Variants in NTRK2 observed in about 807,000 individuals in gnomAD.
NTRK2 encodes the protein BDNF/NT-3 growth factors receptor.
Under a neutral mutation model 94.5 loss-of-function variants are expected in NTRK2, and 13 were observed. That is an observed-to-expected ratio of 0.14 (90% CI 0.09 to 0.22). NTRK2 has a LOEUF of 0.22. Among genes scored for constraint, NTRK2 ranks in the 10% least tolerant of loss-of-function variants. The pLI, the probability that NTRK2 is intolerant of heterozygous loss-of-function variation, is 1.00. For missense variants in NTRK2, 639 were observed against 1,071.2 expected (o/e 0.60, Z 5.63); for synonymous variants, 372 against 407.4 (o/e 0.91, Z 1.05).
intron 11 of NTRK2, among the ~76,000 whole-genome samples, chr9:84,747,223 A>G (rs932229356): frequency 6.6e-6 from 1 of 152,196 alleles, no homozygotes; most frequent in Non-Finnish European, 1.5e-5. Context: ...ACACACGTAT[A>G]CACACAAACA....
chr9:84,680,953 CTA>C (rs1286533966), intron 2 of NTRK2, among the ~76,000 whole-genome samples: 1 of 152,154 alleles, frequency 6.6e-6, no homozygotes, highest in Non-Finnish European at 1.5e-5. Context: ...TGTTTTCCCT[CTA>C]TCTCTCTGCA....
At chr9:84,818,539 T>G (rs138841927) in intron 12 of NTRK2, among the ~76,000 whole-genome samples, 44 of 152,336 alleles carry the variant, frequency 2.9e-4, no homozygotes, top group Non-Finnish European at 3.7e-4. Flanking sequence ...AGTAGTGAAA[T>G]TGGCACATAC....
At chr9:84,964,042 T>G (rs1422708549) in intron 17 of NTRK2, among the ~76,000 whole-genome samples, 1 of 152,240 alleles carries the variant, frequency 6.6e-6, no homozygotes, top group Non-Finnish European at 1.5e-5. Context: ...CTAACATCTG[T>G]ATCTATCCTT....
intron 12 of NTRK2, chr9:84,812,916 T>G: frequency 9.7e-7 from 1 of 1,033,186 alleles, no homozygotes; most frequent in Non-Finnish European, 1.2e-6. Flanking sequence ...AACAGCAGGC[T>G]ATTAGAAAAT....
chr9:84,777,787 G>A (rs1042547423), intron 12 of NTRK2, among the ~76,000 whole-genome samples: 2 of 152,056 alleles, frequency 1.3e-5, no homozygotes, highest in African/African-American at 4.8e-5. Flanking sequence ...GCAATTTTTC[G>A]ACAGTAAAGG....
intron 17 of NTRK2, among the ~76,000 whole-genome samples, chr9:84,979,684 T>G (rs1827341881): frequency 6.6e-6 from 1 of 152,228 alleles, no homozygotes; most frequent in Non-Finnish European, 1.5e-5. Flanking sequence ...CAAACAGCAT[T>G]ACATATTACA....
chr9:84,830,464 C>T (rs745417180), intron 12 of NTRK2, among the ~76,000 whole-genome samples: 1 of 151,974 alleles, frequency 6.6e-6, no homozygotes, highest in Non-Finnish European at 1.5e-5. Flanking sequence ...TTTCCTGTCT[C>T]CTTATGCTTT....
intron 17 of NTRK2, among the ~76,000 whole-genome samples, chr9:85,000,569 C>A (rs1189334035): frequency 6.6e-6 from 1 of 152,180 alleles, no homozygotes; most frequent in East Asian, 1.9e-4. Flanking sequence ...ATTTAAAGTA[C>A]CTCCATGTCT....
chr9:84,682,578 T>C (rs1042086939), intron 2 of NTRK2, among the ~76,000 whole-genome samples: 5 of 152,100 alleles, frequency 3.3e-5, no homozygotes, highest in Non-Finnish European at 5.9e-5. Flanking sequence ...TACTCCAATC[T>C]TGTTGCCCAA....
chr9:84,994,936 G>C (rs1156474975), intron 17 of NTRK2, among the ~76,000 whole-genome samples: 4 of 152,202 alleles, frequency 2.6e-5, no homozygotes, highest in African/African-American at 9.6e-5. Context: ...GATCTGCAGA[G>C]TGCCCCATTG....
chr9:84,962,484 TC>T (rs1311010609), intron 17 of NTRK2, among the ~76,000 whole-genome samples: 1 of 148,356 alleles, frequency 6.7e-6, no homozygotes, highest in Admixed American at 6.8e-5. Flanking sequence ...AATCCTTGTG[TC>T]CCCTTTTTTT....
At position 85,020,390 on chromosome 9, in the gene NTRK2, C is replaced by T. The variant is rs1303522025; in HGVS notation, c.2331+26C>T. 5.0e-6 allele frequency: 8 copies of T among 1,613,488 alleles called. No individual in the cohort carries two copies. The Admixed American group carries it at 1.3e-4, about 27-fold the overall frequency. The stretch of plus-strand genomic sequence containing the variant: ...GTGTGCAATGGGTCTGGCCAAGACC[C>T]TCCAGAGGGCTGAGATCCCAGAGGC... On this transcript the variant is annotated intron_variant, in intron 18 of 18. Coordinates refer to ENST00000277120, the MANE Select transcript of NTRK2 (RefSeq NM_006180.6).
chr9:84,837,963 G>A (rs2073969598), intron 12 of NTRK2, among the ~76,000 whole-genome samples: 1 of 152,044 alleles, frequency 6.6e-6, no homozygotes, highest in Non-Finnish European at 1.5e-5. Flanking sequence ...CTGGCTAATG[G>A]CATAAGACAT....
intron 12 of NTRK2, among the ~76,000 whole-genome samples, chr9:84,859,311 G>A (rs142059508): frequency 1.3e-4 from 20 of 152,238 alleles, no homozygotes; most frequent in Middle Eastern, 3.4e-3. Flanking sequence ...TAGTTTTCCC[G>A]TTGGGTAGAG....
intron 2 of NTRK2, among the ~76,000 whole-genome samples, chr9:84,678,401 C>T (rs1051283274): frequency 3.3e-5 from 5 of 152,268 alleles, no homozygotes; most frequent in East Asian, 1.9e-4. Context: ...TGAAAGGTAT[C>T]GGAATTTTGG....
intron 13 of NTRK2, among the ~76,000 whole-genome samples, chr9:84,863,023 G>T (rs1055924459): frequency 1.3e-5 from 2 of 152,126 alleles, no homozygotes; most frequent in Non-Finnish European, 2.9e-5. Flanking sequence ...CCCAGGCAGG[G>T]TATTTACCAT....
intron 14 of NTRK2, among the ~76,000 whole-genome samples, chr9:84,920,282 G>T (rs996941293): frequency 6.6e-6 from 1 of 152,194 alleles, no homozygotes; most frequent in Non-Finnish European, 1.5e-5. Context: ...TCAGAGAAGA[G>T]ACCTGAGTTC....
intron 12 of NTRK2, among the ~76,000 whole-genome samples, chr9:84,805,027 A>T (rs2070945732): frequency 6.6e-6 from 1 of 152,150 alleles, no homozygotes. Context: ...GGGCAATGGT[A>T]TCAGTCTTTG....
At chr9:84,945,423 A>G (rs1219004959) in intron 15 of NTRK2, among the ~76,000 whole-genome samples, 1 of 152,204 alleles carries the variant, frequency 6.6e-6, no homozygotes, top group Non-Finnish European at 1.5e-5. Context: ...AGTGTGAGAA[A>G]GGCACTGGTG....
Sources: gnomAD v4.1 joint callset for allele counts (sites outside exome capture counted in the v4.1 genomes callset) on GRCh38, gnomAD v4.1.1 for gene constraint, MANE v1.5 for transcripts, NCBI Gene and HGNC (gene_info 2026-07-23, HGNC 2026-07-21) for gene names.